Variants in PRDM15 observed in about 807,000 individuals in gnomAD.
PRDM15 encodes PR/SET domain 15, also known as PR domain zinc finger protein 15.
A neutral mutation model predicts 128.6 loss-of-function variants in PRDM15; 64 were observed. The observed-to-expected ratio is 0.50, with a 90% CI of 0.41 to 0.61. The LOEUF is 0.61. Ranked by LOEUF, PRDM15 falls within the 20% of genes least tolerant of loss-of-function variation. The pLI is 0.00. For missense variants in PRDM15, 1,242 were observed against 1,569.1 expected (o/e 0.79, Z 3.52); for synonymous variants, 615 against 621.8 (o/e 0.99, Z 0.16).
At chr21:41,833,750 C>T (rs1191132366) in intron 11 of PRDM15, among the ~76,000 whole-genome samples, 1 of 152,206 alleles carries the variant, frequency 6.6e-6, no homozygotes, top group Non-Finnish European at 1.5e-5. Context: ...CTAACAGCAC[C>T]TCTGGCTGAC....
At chr21:41,865,925 T>C (rs886910353) in intron 1 of PRDM15, among the ~76,000 whole-genome samples, 5 of 152,086 alleles carry the variant, frequency 3.3e-5, no homozygotes, top group Admixed American at 6.6e-5. Context: ...TTTAATTTTT[T>C]GTAGAGATTT....
At chr21:41,848,305 G>C (rs2063329175) in intron 5 of PRDM15, among the ~76,000 whole-genome samples, 1 of 152,236 alleles carries the variant, frequency 6.6e-6, no homozygotes, top group African/African-American at 2.4e-5. Context: ...CTATCACCCT[G>C]TGCATGCATG....
intron 6 of PRDM15, among the ~76,000 whole-genome samples, chr21:41,841,679 C>G (rs998108937): frequency 8.1e-4 from 123 of 152,138 alleles, no homozygotes; most frequent in Middle Eastern, 6.8e-3. Flanking sequence ...GGAAGAGAGC[C>G]CACACATCAA....
chr21:41,840,878 C>A, intron 6 of PRDM15, among the ~76,000 whole-genome samples: 1 of 150,530 alleles, frequency 6.6e-6, no homozygotes. Flanking sequence ...AAAAGGAGGC[C>A]CAAAATAAAA....
chr21:41,802,613 C>T (rs2061445044), intron 23 of PRDM15, 99 bp downstream of exon 23: 4 of 968,928 alleles, frequency 4.1e-6, no homozygotes, highest in African/African-American at 1.6e-5. Flanking sequence ...CACATGTACA[C>T]TGTGTATAGT....
At chr21:41,820,262 A>T in intron 16 of PRDM15, 88 bp from the exon 17 acceptor site, 1 of 996,372 alleles carries the variant, frequency 1.0e-6, no homozygotes, top group South Asian at 1.4e-5. Context: ...TCATCTGCAA[A>T]GGTGAGGCAA....
intron 11 of PRDM15, among the ~76,000 whole-genome samples, chr21:41,831,298 T>A (rs2062682701): frequency 6.6e-6 from 1 of 152,202 alleles, no homozygotes; most frequent in African/African-American, 2.4e-5. Flanking sequence ...TTGGGCCAGA[T>A]CCTTTGTTGT....
At chr21:41,847,536 T>C (rs546818492) in intron 5 of PRDM15, among the ~76,000 whole-genome samples, 2 of 152,248 alleles carry the variant, frequency 1.3e-5, no homozygotes, top group African/African-American at 2.4e-5. Flanking sequence ...AGTGCATTCC[T>C]CAAGAACCAA....
intron 12 of PRDM15, among the ~76,000 whole-genome samples, chr21:41,826,516 A>G (rs2062478281): frequency 6.6e-6 from 1 of 152,226 alleles, no homozygotes; most frequent in African/African-American, 2.4e-5. Context: ...ACATTAGTCA[A>G]ATCAACATCA....
intron 11 of PRDM15, among the ~76,000 whole-genome samples, chr21:41,829,540 TAC>T (rs2062608428): frequency 6.8e-6 from 1 of 146,504 alleles, no homozygotes; most frequent in South Asian, 2.2e-4. Context: ...ACCACACAGA[TAC>T]ACTCAACATA....
At chr21:41,814,967 GAAC>G (rs1278943043) in intron 19 of PRDM15, 4 of 146,652 alleles carry the variant, frequency 2.7e-5, no homozygotes, top group Admixed American at 6.8e-5. Context: ...TGTTTTATGA[GAAC>G]GACTTGTGTT....
At chr21:41,868,887 A>C (rs993232350) in intron 1 of PRDM15, among the ~76,000 whole-genome samples, 1 of 151,626 alleles carries the variant, frequency 6.6e-6, no homozygotes, top group Non-Finnish European at 1.5e-5. Context: ...ATGGGGTTTC[A>C]CCATGTTGGC....
intron 1 of PRDM15, chr21:41,874,811 C>G (rs2064352907): frequency 6.6e-6 from 1 of 152,082 alleles, no homozygotes; most frequent in Non-Finnish European, 1.5e-5. Context: ...ACAAGGAGAT[C>G]GGTCAAACGG....
chr21:41,842,204 T>C (rs117561175), intron 6 of PRDM15, among the ~76,000 whole-genome samples: 4,830 of 152,234 alleles, frequency 0.032, 108 homozygotes, highest in Middle Eastern at 0.095. Flanking sequence ...AATGCAGAAA[T>C]AACCAGTCCT....
chr21:41,800,780 CCCTGCTG>C lies in PRDM15; in HGVS notation c.*453_*459del, dbSNP rs149251628. ...AATCCAGAAGTGAGGAGAAAATGTT[CCCTGCTG>C]CCTGCTGCCACCTGTGAATACTGTC... On this transcript the variant is annotated 3_prime_UTR_variant, in exon 24 of 24. Coordinates refer to ENST00000398548, the MANE Select transcript of PRDM15 (RefSeq NM_001040424.3). 0.055 allele frequency: 8,629 copies of C among 155,918 alleles called. 335 individuals are homozygous for C. The highest frequency in any genetic ancestry group is 0.1 in the Middle Eastern group (31 of 300). The allele number at this position is 155,918 out of a possible 1,614,324, so 9.7% of individuals were successfully genotyped here.
intron 5 of PRDM15, among the ~76,000 whole-genome samples, chr21:41,853,506 G>C (rs1366775883): frequency 6.6e-6 from 1 of 152,140 alleles, no homozygotes; most frequent in African/African-American, 2.4e-5. Context: ...ATATGAAATT[G>C]CTGTTTTGCA....
chr21:41,801,230 G>A lies in PRDM15; in HGVS notation c.*10C>T, dbSNP rs778292224. 27 of 1,511,748 alleles carry A rather than the reference G, an allele frequency of 1.8e-5. No homozygotes were observed. The East Asian group carries it at 2.0e-4, about 11-fold the overall frequency. The allele number at this position is 1,511,748 out of a possible 1,614,324, so 93.6% of individuals were successfully genotyped here. A position where few individuals can be genotyped will look rare whatever the true frequency, so the allele number is the denominator to read the frequency against. ...CTGCAGTTCTTGCCCCGAGTCTCCC[G>A]GAACGCAGCTCAGTAGCTGTACATC... On this transcript the variant is annotated 3_prime_UTR_variant, in exon 24 of 24. Coordinates refer to ENST00000398548, the MANE Select transcript of PRDM15 (RefSeq NM_001040424.3).
chr21:41,806,045 TCACCACCAC>T (rs1568880032), intron 21 of PRDM15, among the ~76,000 whole-genome samples: 1 of 16,070 alleles, frequency 6.2e-5, no homozygotes, highest in Non-Finnish European at 1.4e-4. Flanking sequence ...ACCACCACCA[TCACCACCAC>T]CACCATCACC....
At chr21:41,870,116 T>C (rs1411632522) in intron 1 of PRDM15, among the ~76,000 whole-genome samples, 1 of 152,252 alleles carries the variant, frequency 6.6e-6, no homozygotes, top group South Asian at 2.1e-4. Flanking sequence ...TGCCTTTCCA[T>C]ATAAACTTGA....
Sources: allele counts gnomAD v4.1 joint callset (sites outside exome capture counted in the v4.1 genomes callset), GRCh38; gene constraint gnomAD v4.1.1; transcripts MANE v1.5; gene names NCBI Gene and HGNC (gene_info 2026-07-23, HGNC 2026-07-21).